FBXL20: variants seen among roughly 807,000 people sequenced by gnomAD.
FBXL20 encodes the protein F-box and leucine rich repeat protein 20, also known as F-box/LRR-repeat protein 20.
In FBXL20, 11 loss-of-function variants were observed where a neutral mutation model predicts 64.0. The ratio of observed to expected loss-of-function variants is 0.17; its 90% CI spans 0.11 to 0.28. The LOEUF (loss-of-function observed/expected upper bound fraction) is 0.28. FBXL20 is among the 10% of genes least tolerant of loss of function. The probability of loss-of-function intolerance (pLI) is 1.00; values close to 1 mark genes in which losing one functional copy is unlikely to be tolerated. For missense variants in FBXL20, 303 were observed against 526.2 expected, an observed-to-expected ratio of 0.58 and a Z score of 4.15; for synonymous variants, 184 against 189.0, an observed-to-expected ratio of 0.97 and a Z score of 0.22.
intron 2 of FBXL20, among the ~76,000 whole-genome samples, chr17:39,310,562 T>C (rs532938407): frequency 6.6e-6 from 1 of 152,172 alleles, no homozygotes; most frequent in South Asian, 2.1e-4. Flanking sequence ...AAAAACTCAG[T>C]GTCGGGTAGG....
At chr17:39,274,912 T>A (rs1326482307) in intron 10 of FBXL20, 58 bp downstream of exon 10, 1 of 1,603,394 alleles carries the variant, frequency 6.2e-7, no homozygotes, top group Non-Finnish European at 8.5e-7. Context: ...AAGGAAGAAA[T>A]ATGGGTGAAG....
chr17:39,265,258 G>A (rs969711614), intron 13 of FBXL20, 139 bp downstream of exon 13: 7 of 617,140 alleles, frequency 1.1e-5, no homozygotes, highest in Admixed American at 3.1e-5. Context: ...GTACTCCTTT[G>A]GTTCTCAGTA....
At chr17:39,293,259 T>C (rs1418056843) in intron 6 of FBXL20, among the ~76,000 whole-genome samples, 1 of 151,872 alleles carries the variant, frequency 6.6e-6, no homozygotes, top group African/African-American at 2.4e-5. Context: ...TCTCGCTCTG[T>C]CGCCCAGGCT....
upstream of FBXL20, chr17:39,402,266 C>CGCT: frequency 9.3e-6 from 10 of 1,070,382 alleles, no homozygotes; most frequent in Non-Finnish European, 1.1e-5. Context: ...GTGCGGCTGC[C>CGCT]GCCGCGCCTC....
chr17:39,402,298 C>CGCGG, upstream of FBXL20: 1 of 913,744 alleles, frequency 1.1e-6, no homozygotes, highest in Non-Finnish European at 1.4e-6. Flanking sequence ...CCGCCGCCGC[C>CGCGG]TCCCCCGCCT....
chr17:39,386,399 C>CG (rs937131435), intron 1 of FBXL20, among the ~76,000 whole-genome samples: 3 of 151,958 alleles, frequency 2.0e-5, no homozygotes, highest in African/African-American at 7.3e-5. Context: ...GAGGCCAGGG[C>CG]GGGGTGGATC....
chr17:39,312,477 G>A (rs1163619336), intron 2 of FBXL20, among the ~76,000 whole-genome samples: 1 of 146,280 alleles, frequency 6.8e-6, no homozygotes, highest in African/African-American at 2.5e-5. Flanking sequence ...TAGTAAGATG[G>A]ATATAAGCCT....
chr17:39,349,439 T>C (rs1340630324), intron 1 of FBXL20, among the ~76,000 whole-genome samples: 1 of 151,156 alleles, frequency 6.6e-6, no homozygotes, highest in Non-Finnish European at 1.5e-5. Context: ...TTTCAGATTT[T>C]GGGCTGAGCA....
intron 12 of FBXL20, among the ~76,000 whole-genome samples, chr17:39,265,937 G>T (rs2046787456): frequency 1.3e-5 from 2 of 151,984 alleles, no homozygotes; most frequent in African/African-American, 4.8e-5. Context: ...GGCAGAAACA[G>T]GGTCTTGTTA....
At chr17:39,348,136 G>A (rs1265592539) in intron 1 of FBXL20, among the ~76,000 whole-genome samples, 1 of 148,934 alleles carries the variant, frequency 6.7e-6, no homozygotes, top group South Asian at 2.1e-4. Flanking sequence ...ATGTTCTCAG[G>A]ATCTCCTGAG....
chr17:39,301,158 C>G, intron 3 of FBXL20, 83 bp from the exon 4 acceptor site: 1 of 1,239,558 alleles, frequency 8.1e-7, no homozygotes, highest in South Asian at 1.3e-5. Flanking sequence ...ACAATTCAAC[C>G]AACTAATGAC....
intron 1 of FBXL20, among the ~76,000 whole-genome samples, chr17:39,378,486 T>C (rs576539778): frequency 6.6e-6 from 1 of 152,212 alleles, no homozygotes; most frequent in East Asian, 1.9e-4. Flanking sequence ...TAAACAGACA[T>C]TTCTACAAAG....
intron 2 of FBXL20, among the ~76,000 whole-genome samples, chr17:39,328,651 A>C (rs562927420): frequency 6.6e-6 from 1 of 152,354 alleles, no homozygotes; most frequent in South Asian, 2.1e-4. Flanking sequence ...AAAATGTGGA[A>C]GTAACGGTAA....
At chr17:39,397,191 C>T (rs922280627) in intron 1 of FBXL20, among the ~76,000 whole-genome samples, 1 of 152,094 alleles carries the variant, frequency 6.6e-6, no homozygotes, top group African/African-American at 2.4e-5. Flanking sequence ...CAGGCGTGAG[C>T]CACCATGCCC....
In FBXL20 at chr17:39,389,956, T is replaced by G. The variant is rs140764383; in HGVS notation, c.42+11405A>C. ...TAGGGTGCGGTTAAAAGCTTGCTGATCCAGTGTTTTAGATGTCAACTTACA... is the reference window on the plus strand; with the variant it reads ...TAGGGTGCGGTTAAAAGCTTGCTGAGCCAGTGTTTTAGATGTCAACTTACA... On this transcript the variant is annotated intron_variant, in intron 1 of 14. Coordinates refer to ENST00000264658, the MANE Select transcript of FBXL20 (RefSeq NM_032875.3). Among the ~76,000 whole-genome samples the G allele has an allele frequency of 5.9e-3, 898 of 152,332 alleles. 5 individuals carry two copies. The highest frequency in any genetic ancestry group is 8.6e-3 in the Admixed American group (132 of 15,292).
At chr17:39,319,387 A>C (rs2047328188) in intron 2 of FBXL20, among the ~76,000 whole-genome samples, 1 of 152,016 alleles carries the variant, frequency 6.6e-6, no homozygotes, top group Non-Finnish European at 1.5e-5. Context: ...ATGAAGAGAG[A>C]TTTAAAAAGG....
chr17:39,367,000 A>C lies in FBXL20; in HGVS notation c.43-23759T>G, dbSNP rs186217217. On this transcript the variant is annotated intron_variant, in intron 1 of 14. Transcript: ENST00000264658. ...TGGGTTCACGCTATTCTGCTGCCTC[A>C]GCCTCCCAAGTAGCTGGGACTACAG... is the stretch of plus-strand genomic sequence containing the variant. Among the ~76,000 whole-genome samples, 913 of 150,636 alleles carry C rather than the reference A, an allele frequency of 6.1e-3. 16 individuals carry two copies. The highest frequency in any genetic ancestry group is 0.021 in the African/African-American group (872 of 41,016).
chr17:39,272,112 C>T (rs1025748734), intron 10 of FBXL20, among the ~76,000 whole-genome samples: 3 of 152,058 alleles, frequency 2.0e-5, no homozygotes, highest in African/African-American at 7.2e-5. Context: ...TCTGTCCGGG[C>T]GCGGTGACTC....
intron 2 of FBXL20, among the ~76,000 whole-genome samples, chr17:39,334,499 GAAAA>G (rs1374918695): frequency 1.4e-5 from 2 of 138,104 alleles, no homozygotes; most frequent in African/African-American, 5.7e-5. Flanking sequence ...AAAAAAATTC[GAAAA>G]AAAAATTCAG....
Sources: allele counts gnomAD v4.1 joint callset (sites outside exome capture counted in the v4.1 genomes callset), GRCh38; gene constraint gnomAD v4.1.1; transcripts MANE v1.5; gene names NCBI Gene and HGNC (gene_info 2026-07-23, HGNC 2026-07-21).